MLANA: variants seen among roughly 807,000 people sequenced by gnomAD.
MLANA encodes the protein melan-A.
A neutral mutation model predicts 15.7 loss-of-function variants in MLANA; 21 were observed. The observed-to-expected ratio is 1.33, with a 90% CI of 0.95 to 1.92. MLANA has a LOEUF of 1.92. Ranked by LOEUF, MLANA falls within the 40% of genes most tolerant of loss-of-function variation. The pLI, the probability that MLANA is intolerant of heterozygous loss-of-function variation, is 0.00. For synonymous variants in MLANA, 56 were observed against 51.5 expected, an observed-to-expected ratio of 1.09 and a Z score of -0.37; for missense variants, 164 against 143.8, an observed-to-expected ratio of 1.14 and a Z score of -0.72.
rs1258725691 is a variant in MLANA at position 5,908,993 on chromosome 9, G to C, written c.*285G>C. Reference sequence around the variant, plus strand: ...GTAAATCCATGGTGTTATTTTCTGAGAGACAGAATTCAAGTGGGTATTCTG... The same window carrying C: ...GTAAATCCATGGTGTTATTTTCTGACAGACAGAATTCAAGTGGGTATTCTG... On this transcript the variant is annotated 3_prime_UTR_variant, in exon 5 of 5. Coordinates refer to ENST00000381477, the MANE Select transcript of MLANA (RefSeq NM_005511.2). 7.9e-6 allele frequency: 3 copies of C among 378,724 alleles called. No homozygotes were observed. Among genetic ancestry groups the C allele is most frequent in the Admixed American group, 4.3e-5 (1 of 23,476 alleles). The allele number at this position is 378,724 out of a possible 1,614,324, so 23.5% of individuals were successfully genotyped here. A position where few individuals can be genotyped will look rare whatever the true frequency, so the allele number is the denominator to read the frequency against.
intron 2 of MLANA, among the ~76,000 whole-genome samples, chr9:5,896,077 C>T (rs1489100473): frequency 6.6e-6 from 1 of 152,180 alleles, no homozygotes; most frequent in African/African-American, 2.4e-5. Context: ...GCCTGGGAGA[C>T]CTGGATCTGG....
intron 3 of MLANA, among the ~76,000 whole-genome samples, chr9:5,905,537 T>C (rs1832746313): frequency 6.6e-6 from 1 of 152,186 alleles, no homozygotes; most frequent in Admixed American, 6.5e-5. Context: ...TATAATGTGG[T>C]ATACTTTCCA....
chr9:5,901,598 A>T (rs1832431702), intron 3 of MLANA, among the ~76,000 whole-genome samples: 1 of 151,852 alleles, frequency 6.6e-6, no homozygotes, highest in Non-Finnish European at 1.5e-5. Context: ...AGCTTACTGT[A>T]ACCTTCACCT....
intron 3 of MLANA, among the ~76,000 whole-genome samples, chr9:5,899,526 A>T (rs1228926378): frequency 2.6e-5 from 4 of 152,172 alleles, no homozygotes; most frequent in Non-Finnish European, 5.9e-5. Context: ...GGAGTTGATG[A>T]ATCTGAACAA....
Position 5,906,920 on chromosome 9 carries a change from A to T in MLANA, c.210A>T (p.Leu70Phe). ...KSLHVGTQCA[L>F]TRRCPQEGFD... ...TTCATGTTGGCACTCAATGTGCCTT[A>T]ACAAGAAGATGCCCACAAGAAGGGT... Residue 70 changes from leucine to phenylalanine, a missense_variant, in exon 4 of 5, where the codon TTA becomes TTT. Transcript: ENST00000381477. The T allele has an allele frequency of 1.3e-6, 2 of 1,597,404 alleles. No homozygotes were observed. Among genetic ancestry groups the T allele is most frequent in the Non-Finnish European group, 1.7e-6 (2 of 1,173,536 alleles).
chr9:5,893,681 T>C (rs940623437), intron 2 of MLANA, among the ~76,000 whole-genome samples: 8 of 152,178 alleles, frequency 5.3e-5, no homozygotes, highest in Non-Finnish European at 8.8e-5. Context: ...AACAGACTCT[T>C]TAAAATATAC....
chr9:5,907,675 G>A (rs1832905418), intron 4 of MLANA, among the ~76,000 whole-genome samples: 1 of 152,104 alleles, frequency 6.6e-6, no homozygotes, highest in African/African-American at 2.4e-5. Context: ...ACATATGGCT[G>A]GGCATGGTGG....
chr9:5,908,078 T>C (rs1279696543), intron 4 of MLANA, among the ~76,000 whole-genome samples: 1 of 152,204 alleles, frequency 6.6e-6, no homozygotes, highest in Non-Finnish European at 1.5e-5. Flanking sequence ...AATTACTGTG[T>C]TTGATTCTTA....
Position 5,907,622 on chromosome 9 carries a change from C to T in MLANA, c.288+624C>T, listed in dbSNP as rs548419828. ...ACAAAATATTTTAAGATTAATTTTACATGTTTCTTCTTTTAAATGTAGCTA... is the reference window on the plus strand; with the variant it reads ...ACAAAATATTTTAAGATTAATTTTATATGTTTCTTCTTTTAAATGTAGCTA... On this transcript the variant is annotated intron_variant, in intron 4 of 4. Coordinates refer to ENST00000381477, the MANE Select transcript of MLANA (RefSeq NM_005511.2). Among the ~76,000 whole-genome samples, 46 of 152,224 alleles carry T rather than the reference C, an allele frequency of 3.0e-4. No individual in the cohort carries two copies. The South Asian group carries it at 8.9e-3, about 29-fold the overall frequency.
chr9:5,905,839 C>T (rs1375581926), intron 3 of MLANA, among the ~76,000 whole-genome samples: 1 of 152,214 alleles, frequency 6.6e-6, no homozygotes, highest in African/African-American at 2.4e-5. Context: ...GGCACACTTT[C>T]TCAGGACCTC....
rs560508510 is a variant in MLANA at position 5,901,027 on chromosome 9, A to C, written c.174+3374A>C. ...ATCATCTCTGGTGGTGGGATTCAGG[A>C]ATCTATATTTTAAAATGTACACCCA... On this transcript the variant is annotated intron_variant, in intron 3 of 4. Coordinates refer to ENST00000381477, the MANE Select transcript of MLANA (RefSeq NM_005511.2). Among the ~76,000 whole-genome samples the C allele has an allele frequency of 3.3e-5, 5 of 152,282 alleles. No homozygotes were observed. The East Asian group carries it at 9.6e-4, about 29-fold the overall frequency.
chr9:5,892,070 G>A (rs967653688), intron 1 of MLANA, among the ~76,000 whole-genome samples: 2 of 152,194 alleles, frequency 1.3e-5, no homozygotes, highest in Admixed American at 6.5e-5. Flanking sequence ...CACAGCCCTG[G>A]GCCAGGGAAG....
chr9:5,892,679 T>C, intron 2 of MLANA, 128 bp downstream of exon 2: 2 of 699,734 alleles, frequency 2.9e-6, no homozygotes, highest in Non-Finnish European at 4.5e-6. Flanking sequence ...GTAACATCCC[T>C]GGCAACAAGG....
chr9:5,906,869 T>A lies in MLANA; in HGVS notation c.175-16T>A, dbSNP rs754026576. The stretch of plus-strand genomic sequence containing the variant: ...ACTTCTTCTCACCCACTCACCTTTA[T>A]CAATTTACATTTCAGGATAAAAGTC... On this transcript the variant is annotated splice_polypyrimidine_tract_variant and intron_variant, in intron 3 of 4. Transcript: ENST00000381477. The A allele has an allele frequency of 6.6e-7, 1 of 1,510,690 alleles. No homozygotes were observed. Among genetic ancestry groups the A allele is most frequent in the South Asian group, 1.3e-5 (1 of 79,758 alleles). The allele number at this position is 1,510,690 out of a possible 1,614,324, so 93.6% of individuals were successfully genotyped here.
At chr9:5,895,189 A>C (rs192390944) in intron 2 of MLANA, among the ~76,000 whole-genome samples, 1 of 152,216 alleles carries the variant, frequency 6.6e-6, no homozygotes, top group African/African-American at 2.4e-5. Flanking sequence ...ACTTAACTTC[A>C]GTCTGTGAGT....
At chr9:5,900,837 T>A (rs12335590) in intron 3 of MLANA, among the ~76,000 whole-genome samples, 9,506 of 152,274 alleles carry the variant, frequency 0.062, 971 homozygotes, top group African/African-American at 0.21. Context: ...ACATCTTCAC[T>A]TGGAAGTTCA....
chr9:5,895,948 A>G (rs1005592501), intron 2 of MLANA, among the ~76,000 whole-genome samples: 13 of 152,244 alleles, frequency 8.5e-5, no homozygotes, highest in Admixed American at 1.3e-4. Context: ...GCCACAGGGT[A>G]AAATGAGAGC....
intron 2 of MLANA, among the ~76,000 whole-genome samples, chr9:5,895,079 C>T (rs1298661838): frequency 2.0e-5 from 3 of 152,150 alleles, no homozygotes; most frequent in Non-Finnish European, 2.9e-5. Context: ...CCACTCAACC[C>T]GTATGCGTGG....
At chr9:5,905,179 AT>A (rs1399742054) in intron 3 of MLANA, among the ~76,000 whole-genome samples, 1 of 152,238 alleles carries the variant, frequency 6.6e-6, no homozygotes, top group Non-Finnish European at 1.5e-5. Flanking sequence ...TTTCATAGGC[AT>A]TATGAGTATC....
Sources: gnomAD v4.1 joint callset for allele counts (sites outside exome capture counted in the v4.1 genomes callset) on GRCh38, gnomAD v4.1.1 for gene constraint, MANE v1.5 for transcripts, NCBI Gene and HGNC (gene_info 2026-07-23, HGNC 2026-07-21) for gene names.